The following NTRK3 variants were observed in gnomAD, a reference collection of about 807,000 sequenced individuals.
NTRK3 encodes the protein NT-3 growth factor receptor.
In NTRK3, 24 loss-of-function variants were observed where a neutral mutation model predicts 91.7. That is an observed-to-expected ratio of 0.26 (90% CI 0.19 to 0.37). The LOEUF is 0.37. Ranked by LOEUF, NTRK3 falls within the 10% of genes least tolerant of loss-of-function variation. The pLI, the probability that NTRK3 is intolerant of heterozygous loss-of-function variation, is 1.00. For missense variants in NTRK3, 880 were observed against 1,068.9 expected (o/e 0.82, Z 2.46); for synonymous variants, 483 against 404.0 (o/e 1.20, Z -2.34).
At chr15:87,947,450 G>C (rs1011593200) in intron 14 of NTRK3, among the ~76,000 whole-genome samples, 1 of 152,210 alleles carries the variant, frequency 6.6e-6, no homozygotes, top group African/African-American at 2.4e-5. Flanking sequence ...TGTAAAGAGA[G>C]AGTGTGTCAC....
At chr15:88,236,449 G>A (rs1363036470) in intron 3 of NTRK3, among the ~76,000 whole-genome samples, 1 of 148,012 alleles carries the variant, frequency 6.8e-6, no homozygotes, top group African/African-American at 2.5e-5. Flanking sequence ...GAGTCAGGAG[G>A]ATCACTTAGG....
chr15:87,868,460 GT>G (rs1457611647), exon 19 of NTRK3: 1 of 219,150 alleles, frequency 4.6e-6, no homozygotes, highest in Non-Finnish European at 9.2e-6. Context: ...CAAGAGGCAA[GT>G]AGGAAAAACA....
intron 14 of NTRK3, among the ~76,000 whole-genome samples, chr15:87,951,046 AG>A (rs2071059945): frequency 6.6e-6 from 1 of 152,182 alleles, no homozygotes; most frequent in African/African-American, 2.4e-5. Flanking sequence ...TGCATTAAAT[AG>A]ATCCAACAGA....
intron 13 of NTRK3, among the ~76,000 whole-genome samples, chr15:88,056,802 G>A (rs2045735161): frequency 1.3e-5 from 2 of 152,196 alleles, no homozygotes; most frequent in South Asian, 2.1e-4. Flanking sequence ...GGTTGGCTTA[G>A]GGTTGTGACA....
intron 3 of NTRK3, among the ~76,000 whole-genome samples, chr15:88,197,126 A>AAAC (rs1567627808): frequency 7.5e-5 from 11 of 146,654 alleles, no homozygotes; most frequent in East Asian, 2.0e-4. Flanking sequence ...AAAAAAAAAA[A>AAAC]ACCTCTGTGA....
intron 5 of NTRK3, among the ~76,000 whole-genome samples, chr15:88,174,356 T>G (rs1264849582): frequency 6.6e-6 from 1 of 152,120 alleles, no homozygotes; most frequent in Non-Finnish European, 1.5e-5. Context: ...CTATCCCTGC[T>G]GCAGCCAAAA....
chr15:88,146,626 C>G (rs1454265339), intron 6 of NTRK3, among the ~76,000 whole-genome samples: 2 of 152,160 alleles, frequency 1.3e-5, no homozygotes, highest in African/African-American at 4.8e-5. Context: ...TTTGGCCTTC[C>G]TTTGTTTGTG....
chr15:88,230,268 A>G (rs777305734), intron 3 of NTRK3, among the ~76,000 whole-genome samples: 1 of 152,242 alleles, frequency 6.6e-6, no homozygotes, highest in South Asian at 2.1e-4. Flanking sequence ...CATCACCATT[A>G]TAAGTACTTC....
chr15:88,063,654 C>A (rs1199989234), intron 13 of NTRK3, among the ~76,000 whole-genome samples: 2 of 152,188 alleles, frequency 1.3e-5, no homozygotes, highest in African/African-American at 4.8e-5. Context: ...TAGAACTGAG[C>A]ACTGAACCAG....
intron 3 of NTRK3, among the ~76,000 whole-genome samples, chr15:88,209,217 A>G (rs2049035234): frequency 6.6e-6 from 1 of 152,196 alleles, no homozygotes; most frequent in South Asian, 2.1e-4. Flanking sequence ...TAGACAGACA[A>G]GAGAAGCAGC....
At chr15:87,931,005 G>A (rs974374543) in intron 16 of NTRK3, 1 of 312,254 alleles carries the variant, frequency 3.2e-6, no homozygotes, top group Non-Finnish European at 6.3e-6. Flanking sequence ...GAGAAGGCAA[G>A]GCACTGGCAC....
intron 3 of NTRK3, among the ~76,000 whole-genome samples, chr15:88,254,023 A>G (rs2053727646): frequency 6.6e-6 from 1 of 152,150 alleles, no homozygotes; most frequent in Admixed American, 6.5e-5. Flanking sequence ...TTCTACAGAC[A>G]GACACATCCT....
chr15:88,164,770 C>T (rs1467873014), intron 5 of NTRK3, among the ~76,000 whole-genome samples: 1 of 152,198 alleles, frequency 6.6e-6, no homozygotes, highest in Admixed American at 6.5e-5. Flanking sequence ...CTCTCTGTTA[C>T]TGGCCTTATG....
intron 13 of NTRK3, among the ~76,000 whole-genome samples, chr15:88,114,214 C>T (rs2051777373): frequency 6.6e-6 from 1 of 152,136 alleles, no homozygotes; most frequent in Admixed American, 6.5e-5. Context: ...GGAACAGCTC[C>T]CCTGTCCTCA....
At chr15:88,032,814 C>A (rs752980432) in intron 14 of NTRK3, 43 bp downstream of exon 14, 1 of 1,609,224 alleles carries the variant, frequency 6.2e-7, no homozygotes, top group Non-Finnish European at 8.5e-7. Flanking sequence ...CACCAACCAC[C>A]CTCCCCTCCC....
In NTRK3 at chr15:87,876,837, G is replaced by A. The variant is rs936109978; in HGVS notation, c.*98C>T. The A allele has an allele frequency of 2.2e-5, 30 of 1,345,418 alleles. No homozygotes were observed. The Middle Eastern group carries it at 7.5e-4, about 34-fold the overall frequency. 83.3% of individuals were successfully genotyped at this position (1,345,418 alleles called of 1,614,324 possible). A position where few individuals can be genotyped will look rare whatever the true frequency, so the allele number is the denominator to read the frequency against. On this transcript the variant is annotated 3_prime_UTR_variant, in exon 19 of 19. Coordinates refer to ENST00000394480, the Ensembl canonical transcript of NTRK3. ...CACTTGAGTTTATATGAAGATGTTC[G>A]CTTCAGTCAAGGATGGAAGGAGTTG...
intron 3 of NTRK3, among the ~76,000 whole-genome samples, chr15:88,246,442 G>A (rs1428666103): frequency 1.3e-5 from 2 of 152,170 alleles, no homozygotes; most frequent in Non-Finnish European, 2.9e-5. Context: ...GCTTGGGTTG[G>A]TGGGGGCAGG....
chr15:88,090,741 C>T (rs2048940079), intron 13 of NTRK3, among the ~76,000 whole-genome samples: 1 of 152,138 alleles, frequency 6.6e-6, no homozygotes, highest in Non-Finnish European at 1.5e-5. Context: ...CCCCACAACC[C>T]CTGACCCACT....
chr15:88,060,539 A>G (rs1309720919), intron 13 of NTRK3, among the ~76,000 whole-genome samples: 1 of 152,120 alleles, frequency 6.6e-6, no homozygotes, highest in East Asian at 1.9e-4. Context: ...GGAAGTGACC[A>G]GTGGCAAGAT....
Sources: gnomAD v4.1 joint callset for allele counts (sites outside exome capture counted in the v4.1 genomes callset) on GRCh38, gnomAD v4.1.1 for gene constraint, MANE v1.5 for transcripts, NCBI Gene and HGNC (gene_info 2026-07-23, HGNC 2026-07-21) for gene names.